The following CALCRL variants were observed in gnomAD, a reference collection of about 807,000 sequenced individuals.
CALCRL encodes calcitonin receptor like receptor.
In CALCRL, 27 loss-of-function variants were observed where a neutral mutation model predicts 60.4. That is an observed-to-expected ratio of 0.45 (90% CI 0.33 to 0.62). The LOEUF (loss-of-function observed/expected upper bound fraction) is 0.62, where lower values mean the gene tolerates loss of function less well. Ranked by LOEUF, CALCRL falls within the 20% of genes least tolerant of loss-of-function variation. The pLI, the probability that CALCRL is intolerant of heterozygous loss-of-function variation, is 0.03. For missense variants in CALCRL, 424 were observed against 540.7 expected, an observed-to-expected ratio of 0.78 and a Z score of 2.14; for synonymous variants, 190 against 182.6, an observed-to-expected ratio of 1.04 and a Z score of -0.33.
chr2:187,386,506 A>T (rs1024585910), intron 3 of CALCRL, among the ~76,000 whole-genome samples: 2 of 152,200 alleles, frequency 1.3e-5, no homozygotes, highest in Admixed American at 6.5e-5. Context: ...GGGAGTGAAG[A>T]GTATCGAATA....
intron 1 of CALCRL, among the ~76,000 whole-genome samples, chr2:187,412,768 T>C (rs1287192832): frequency 1.3e-5 from 2 of 152,194 alleles, no homozygotes; most frequent in Non-Finnish European, 2.9e-5. Flanking sequence ...AAATGGAATA[T>C]TTAAATACTG....
rs76147617 is a variant in CALCRL at position 187,374,920 on chromosome 2, G to C, written c.500+4020C>G. The stretch of plus-strand genomic sequence containing the variant: ...CAGGCTAAGTCCATACTATTAGCAA[G>C]TAGTGATGACAAGTTTGGAATACAT... On this transcript the variant is annotated intron_variant, in intron 8 of 14. Coordinates refer to ENST00000392370, the MANE Select transcript of CALCRL (RefSeq NM_005795.6). Among the ~76,000 whole-genome samples the C allele has an allele frequency of 2.4e-3, 366 of 152,214 alleles. 14 individuals are homozygous for C. The East Asian group carries it at 0.066, about 27-fold the overall frequency.
At chr2:187,354,257 T>C (rs981757117) in intron 12 of CALCRL, among the ~76,000 whole-genome samples, 1 of 152,022 alleles carries the variant, frequency 6.6e-6, no homozygotes, top group African/African-American at 2.4e-5. Context: ...GTACCACGCT[T>C]GGGTCATGAC....
intron 1 of CALCRL, among the ~76,000 whole-genome samples, chr2:187,420,029 C>A (rs528110562): frequency 6.6e-6 from 1 of 152,244 alleles, no homozygotes; most frequent in East Asian, 1.9e-4. Context: ...TCACATTGAA[C>A]TACAAATTCC....
At chr2:187,381,243 T>C (rs1003110650) in intron 5 of CALCRL, among the ~76,000 whole-genome samples, 22 of 152,112 alleles carry the variant, frequency 1.4e-4, no homozygotes, top group Admixed American at 1.4e-3. Context: ...ATTATACCAT[T>C]GTAACCCTGA....
In CALCRL at chr2:187,390,294, C is replaced by T. The variant is rs572893711; in HGVS notation, c.-292-2538G>A. ...TAAGATATTAGTAGTTCATATTTTTCTGAATAAAAGTATATATATTTAAAT... is the reference window on the plus strand; with the variant it reads ...TAAGATATTAGTAGTTCATATTTTTTTGAATAAAAGTATATATATTTAAAT... On this transcript the variant is annotated intron_variant, in intron 1 of 14. Transcript: ENST00000392370. Among the ~76,000 whole-genome samples the T allele has an allele frequency of 1.6e-4, 24 of 152,116 alleles. No individual in the cohort carries two copies. The South Asian group carries it at 4.8e-3, about 30-fold the overall frequency.
At chr2:187,356,771 T>A (rs931617205) in intron 12 of CALCRL, among the ~76,000 whole-genome samples, 8 of 151,994 alleles carry the variant, frequency 5.3e-5, no homozygotes, top group Admixed American at 6.6e-5. Context: ...AGGGCTAATA[T>A]CCAGAATCTA....
chr2:187,384,344 C>T (rs1000691548), intron 4 of CALCRL, among the ~76,000 whole-genome samples: 16 of 152,102 alleles, frequency 1.1e-4, no homozygotes, highest in Non-Finnish European at 2.1e-4. Flanking sequence ...TCCTGTTCTT[C>T]CCAAAAAGTC....
rs752066617 is a variant in CALCRL at position 187,360,573 on chromosome 2, A to T, written c.781+25T>A. On this transcript the variant is annotated intron_variant, in intron 10 of 14. Transcript: ENST00000392370. ...AAAGGCTTCTTTAATCCACTGAATCAACAAGTATGTATAATAACACTTACC... is the reference window on the plus strand; with the variant it reads ...AAAGGCTTCTTTAATCCACTGAATCTACAAGTATGTATAATAACACTTACC... 70 of 1,579,886 alleles carry T rather than the reference A, an allele frequency of 4.4e-5. 1 individual carries two copies. The South Asian group carries it at 7.6e-4, about 17-fold the overall frequency.
intron 12 of CALCRL, among the ~76,000 whole-genome samples, chr2:187,355,130 A>G (rs538895204): frequency 2.6e-5 from 4 of 152,204 alleles, no homozygotes; most frequent in Admixed American, 2.6e-4. Flanking sequence ...TTTAATCCTT[A>G]TAATACCCTG....
At chr2:187,434,751 A>G (rs1164248441) in intron 1 of CALCRL, among the ~76,000 whole-genome samples, 1 of 152,214 alleles carries the variant, frequency 6.6e-6, no homozygotes, top group Admixed American at 6.5e-5. Context: ...CATTCATACA[A>G]TGGAACACTG....
At chr2:187,382,084 A>C (rs571112089) in intron 5 of CALCRL, among the ~76,000 whole-genome samples, 1 of 152,292 alleles carries the variant, frequency 6.6e-6, no homozygotes, top group Admixed American at 6.5e-5. Context: ...AGATATGTCC[A>C]TATCACAGCT....
chr2:187,376,611 A>G (rs1687765074), intron 8 of CALCRL, among the ~76,000 whole-genome samples: 1 of 152,152 alleles, frequency 6.6e-6, no homozygotes, highest in Non-Finnish European at 1.5e-5. Context: ...AGCATTTTCC[A>G]TTAAATCTTA....
At chr2:187,388,435 T>C (rs905740977) in intron 1 of CALCRL, among the ~76,000 whole-genome samples, 29 of 152,186 alleles carry the variant, frequency 1.9e-4, no homozygotes, top group African/African-American at 6.5e-4. Flanking sequence ...TTAAAGCAAT[T>C]TACAGTTCAT....
At chr2:187,350,604 T>C (rs1472616826) in intron 14 of CALCRL, among the ~76,000 whole-genome samples, 1 of 150,792 alleles carries the variant, frequency 6.6e-6, no homozygotes, top group Non-Finnish European at 1.5e-5. Flanking sequence ...AAATACGTGT[T>C]GAACTTGAGA....
chr2:187,445,757 T>C (rs1486107552), intron 1 of CALCRL, among the ~76,000 whole-genome samples: 1 of 151,570 alleles, frequency 6.6e-6, no homozygotes, highest in East Asian at 1.9e-4. Flanking sequence ...AAAAATAGTA[T>C]AATATGTGCA....
chr2:187,368,330 C>A (rs1228720105), intron 8 of CALCRL, among the ~76,000 whole-genome samples: 1 of 152,040 alleles, frequency 6.6e-6, no homozygotes, highest in Non-Finnish European at 1.5e-5. Context: ...AGGTTTACCT[C>A]AGTAATGTCA....
At position 187,448,188 on chromosome 2, in the gene CALCRL, T is replaced by C. The variant is rs1691278595; in HGVS notation, c.-442A>G. On this transcript the variant is annotated 5_prime_UTR_variant, in exon 1 of 15. Transcript: ENST00000392370. Reference sequence around the variant, plus strand: ...TCCTGCAATTAGGATGAGATTCAGTTAGCAGAGCTTGATGGTCCTAAAGCA... The same window carrying C: ...TCCTGCAATTAGGATGAGATTCAGTCAGCAGAGCTTGATGGTCCTAAAGCA... 6.6e-6 allele frequency: 1 copy of C among 151,966 alleles called. No homozygotes were observed. 9.4% of individuals were successfully genotyped at this position (151,966 alleles called of 1,614,324 possible). A position where few individuals can be genotyped will look rare whatever the true frequency, so the allele number is the denominator to read the frequency against.
At chr2:187,371,419 G>A in intron 8 of CALCRL, among the ~76,000 whole-genome samples, 1 of 151,936 alleles carries the variant, frequency 6.6e-6, no homozygotes, top group Non-Finnish European at 1.5e-5. Flanking sequence ...GCTGTTCAGG[G>A]AATACTAGAT....
Sources: allele counts gnomAD v4.1 joint callset (sites outside exome capture counted in the v4.1 genomes callset), GRCh38; gene constraint gnomAD v4.1.1; transcripts MANE v1.5; gene names NCBI Gene and HGNC (gene_info 2026-07-23, HGNC 2026-07-21).